The following ADAMTS6 variants were observed in gnomAD, a reference collection of about 807,000 sequenced individuals.
ADAMTS6 encodes ADAM metallopeptidase with thrombospondin type 1 motif 6.
ADAMTS6 carries 23 observed loss-of-function variants against 144.3 expected under a neutral mutation model. The observed-to-expected ratio is 0.16, with a 90% CI of 0.11 to 0.23. The LOEUF is 0.23. ADAMTS6 is among the 10% of genes least tolerant of loss of function. The probability of loss-of-function intolerance (pLI) is 1.00; values close to 1 mark genes in which losing one functional copy is unlikely to be tolerated. For synonymous variants in ADAMTS6, 444 were observed against 457.5 expected (o/e 0.97, Z 0.38); for missense variants, 999 against 1,379.6 (o/e 0.72, Z 4.37).
chr5:65,426,540 T>A (rs1429234390), intron 7 of ADAMTS6, among the ~76,000 whole-genome samples: 3 of 151,516 alleles, frequency 2.0e-5, no homozygotes, highest in East Asian at 1.9e-4. Flanking sequence ...GCAAAAAAAA[T>A]TGTCAAAAAT....
At chr5:65,192,853 G>A (rs1040111002) in intron 21 of ADAMTS6, among the ~76,000 whole-genome samples, 1 of 151,754 alleles carries the variant, frequency 6.6e-6, no homozygotes, top group South Asian at 2.1e-4. Context: ...ATCAATGCCT[G>A]TTTTGTCTAT....
chr5:65,314,207 C>A (rs931298816), intron 9 of ADAMTS6, among the ~76,000 whole-genome samples: 1 of 152,046 alleles, frequency 6.6e-6, no homozygotes, highest in African/African-American at 2.4e-5. Context: ...TGCTAGATAT[C>A]TGAAATGATG....
chr5:65,253,805 A>G (rs1760401975), intron 14 of ADAMTS6, among the ~76,000 whole-genome samples: 1 of 133,560 alleles, frequency 7.5e-6, no homozygotes, highest in Non-Finnish European at 1.6e-5. Context: ...TGCTTACAAT[A>G]TTCAATCTTT....
At chr5:65,293,698 A>T (rs1742548926) in intron 10 of ADAMTS6, among the ~76,000 whole-genome samples, 2 of 152,182 alleles carry the variant, frequency 1.3e-5, no homozygotes, top group Non-Finnish European at 1.5e-5. Flanking sequence ...TCTTTAAAAA[A>T]TACCAAACCA....
At chr5:65,226,822 A>C (rs1476995066) in intron 15 of ADAMTS6, among the ~76,000 whole-genome samples, 1 of 152,168 alleles carries the variant, frequency 6.6e-6, no homozygotes, top group Non-Finnish European at 1.5e-5. Flanking sequence ...ACCTCAGGTG[A>C]TCCACCTGCT....
At chr5:65,168,814 G>T (rs1423257057) in intron 24 of ADAMTS6, among the ~76,000 whole-genome samples, 1 of 146,592 alleles carries the variant, frequency 6.8e-6, no homozygotes, top group Non-Finnish European at 1.5e-5. Context: ...AATGGTGCTG[G>T]GAAAACTGGC....
intron 15 of ADAMTS6, among the ~76,000 whole-genome samples, chr5:65,231,394 T>C (rs796991998): frequency 1.3e-5 from 2 of 152,174 alleles, no homozygotes; most frequent in African/African-American, 4.8e-5. Flanking sequence ...AAAGCAATAT[T>C]AAAATACAAT....
At chr5:65,446,163 C>A (rs1254830214) in intron 7 of ADAMTS6, among the ~76,000 whole-genome samples, 1 of 152,108 alleles carries the variant, frequency 6.6e-6, no homozygotes, top group Non-Finnish European at 1.5e-5. Context: ...TAAATGAATA[C>A]CAAATAAATG....
In ADAMTS6 at chr5:65,196,661, G is replaced by C. The variant is rs150571409; in HGVS notation, c.2705+361C>G. On this transcript the variant is annotated intron_variant, in intron 21 of 24. Transcript: ENST00000381055. ...TTTTTTATGTGCCATTAAGAGAGGG[G>C]AAAAATGTCAATTATTATAGTAAGA... is the stretch of plus-strand genomic sequence containing the variant. Among the ~76,000 whole-genome samples, 869 of 151,014 alleles carry C rather than the reference G, an allele frequency of 5.8e-3. 13 individuals are homozygous for C. Among genetic ancestry groups the C allele is most frequent in the African/African-American group, 0.02 (842 of 41,162 alleles).
intron 15 of ADAMTS6, among the ~76,000 whole-genome samples, chr5:65,238,084 T>C (rs1435297150): frequency 6.7e-6 from 1 of 148,732 alleles, no homozygotes; most frequent in East Asian, 2.0e-4. Flanking sequence ...AGACTCTCTC[T>C]CAAAAAAAAA....
intron 20 of ADAMTS6, among the ~76,000 whole-genome samples, chr5:65,211,278 T>G (rs541017939): frequency 1.3e-5 from 2 of 152,272 alleles, no homozygotes; most frequent in East Asian, 3.9e-4. Flanking sequence ...CTGCACTCTA[T>G]ATCCTAGGAA....
At chr5:65,345,264 A>T (rs1042411418) in intron 7 of ADAMTS6, among the ~76,000 whole-genome samples, 1 of 151,674 alleles carries the variant, frequency 6.6e-6, no homozygotes, top group African/African-American at 2.4e-5. Context: ...TTCCCAATTC[A>T]CAGAAAACGA....
chr5:65,402,492 TCTC>T (rs1355216753), intron 7 of ADAMTS6, among the ~76,000 whole-genome samples: 12 of 152,106 alleles, frequency 7.9e-5, no homozygotes, highest in African/African-American at 2.9e-4. Flanking sequence ...ACTTCTTCTC[TCTC>T]CTCAAATCTA....
chr5:65,339,933 G>A (rs547213340), intron 7 of ADAMTS6, among the ~76,000 whole-genome samples: 1 of 152,052 alleles, frequency 6.6e-6, no homozygotes, highest in African/African-American at 2.4e-5. Context: ...AAAAAGTGAG[G>A]AAACCATATT....
chr5:65,235,903 C>A (rs1358693284), intron 15 of ADAMTS6, among the ~76,000 whole-genome samples: 1 of 152,052 alleles, frequency 6.6e-6, no homozygotes, highest in Non-Finnish European at 1.5e-5. Context: ...TAAGTTAATG[C>A]TTAGTATGAA....
chr5:65,403,489 C>T (rs781144897), intron 7 of ADAMTS6, among the ~76,000 whole-genome samples: 1 of 152,098 alleles, frequency 6.6e-6, no homozygotes, highest in African/African-American at 2.4e-5. Context: ...AAACCTGTTC[C>T]TCCAGCATGT....
At chr5:65,257,333 T>C (rs1384912393) in intron 14 of ADAMTS6, among the ~76,000 whole-genome samples, 2 of 152,090 alleles carry the variant, frequency 1.3e-5, no homozygotes, top group African/African-American at 4.8e-5. Context: ...GAGAATATTC[T>C]CACTTGTCAT....
At chr5:65,340,268 C>A (rs754369783) in intron 7 of ADAMTS6, among the ~76,000 whole-genome samples, 1 of 151,874 alleles carries the variant, frequency 6.6e-6, no homozygotes, top group Non-Finnish European at 1.5e-5. Context: ...GAATAGTATA[C>A]CCAGCAAAGC....
At chr5:65,172,312 G>A (rs1229126213) in intron 23 of ADAMTS6, among the ~76,000 whole-genome samples, 3 of 150,834 alleles carry the variant, frequency 2.0e-5, no homozygotes, top group East Asian at 3.9e-4. Flanking sequence ...TACTCGGGAG[G>A]CTGAGGCAGG....
Sources: gnomAD v4.1 joint callset for allele counts (sites outside exome capture counted in the v4.1 genomes callset) on GRCh38, gnomAD v4.1.1 for gene constraint, MANE v1.5 for transcripts, NCBI Gene and HGNC (gene_info 2026-07-23, HGNC 2026-07-21) for gene names.